The following PRKN variants were observed in gnomAD, a reference collection of about 807,000 sequenced individuals.
PRKN encodes the protein E3 ubiquitin-protein ligase parkin.
PRKN carries 56 observed loss-of-function variants against 59.5 expected under a neutral mutation model. That is an observed-to-expected ratio of 0.94 (90% CI 0.76 to 1.18). PRKN has a LOEUF of 1.18. Among genes scored for constraint, PRKN ranks in the 50% most tolerant of loss-of-function variants. The pLI is 0.00. For missense variants in PRKN, 657 were observed against 596.4 expected, an observed-to-expected ratio of 1.10 and a Z score of -1.06; for synonymous variants, 250 against 222.1, an observed-to-expected ratio of 1.13 and a Z score of -1.12.
At chr6:161,926,311 T>C (rs1335716985) in intron 6 of PRKN, among the ~76,000 whole-genome samples, 1 of 152,146 alleles carries the variant, frequency 6.6e-6, no homozygotes, top group Non-Finnish European at 1.5e-5. Context: ...CTATTATATA[T>C]TCCTGTAGCT....
chr6:162,417,709 T>A (rs1024158359), intron 2 of PRKN, among the ~76,000 whole-genome samples: 2 of 152,216 alleles, frequency 1.3e-5, no homozygotes, highest in African/African-American at 4.8e-5. Context: ...TCCCAGATAA[T>A]GTCCGTTAAC....
At chr6:161,861,314 C>G (rs887643079) in intron 6 of PRKN, among the ~76,000 whole-genome samples, 19 of 152,154 alleles carry the variant, frequency 1.2e-4, no homozygotes, top group Admixed American at 1.2e-3. Context: ...TCTCAGCAAA[C>G]TAACACAGGA....
At chr6:162,034,638 C>T (rs1783771729) in intron 5 of PRKN, among the ~76,000 whole-genome samples, 1 of 152,154 alleles carries the variant, frequency 6.6e-6, no homozygotes, top group Admixed American at 6.5e-5. Flanking sequence ...CACACTTTTC[C>T]AAGTAGCCTT....
rs554000711 is a variant in PRKN, at chr6:162,226,231, T to G, written c.413-24979A>C. On this transcript the variant is annotated intron_variant, in intron 3 of 11. Transcript: ENST00000366898. ...AAATAAGAATCAGGGCTATGCGCTT[T>G]GAGACAGACAGGCAGACAAGACAGA... 2.4e-4 allele frequency among the ~76,000 whole-genome samples: 37 copies of G among 152,076 alleles called. No individual in the cohort carries two copies. In the South Asian group the frequency reaches 7.7e-3, roughly 32 times the overall value.
In PRKN at chr6:161,581,460, AGAAGT is replaced by A. The variant is rs1289921944; in HGVS notation, c.872-12049_872-12045del. 6.6e-6 allele frequency among the ~76,000 whole-genome samples: 1 copy of A among 152,184 alleles called. No individual in the cohort carries two copies. The highest frequency in any genetic ancestry group is 2.4e-5 in the African/African-American group (1 of 41,448). On this transcript the variant is annotated intron_variant, in intron 7 of 11. Transcript: ENST00000366898. The surrounding 1 kb of genome is among the most constrained non-coding windows in gnomAD (Gnocchi z 4.5). Reference sequence around the variant, plus strand: ...TACATAAGCAAAAGGAGTTTTTTTGAGAAGTGTTGAGAGAGAAGAGGCCTGGAATC... The same window carrying A: ...TACATAAGCAAAAGGAGTTTTTTTGAGTTGAGAGAGAAGAGGCCTGGAATC...
chr6:162,727,703 C>T lies in PRKN; in HGVS notation c.-35G>A, dbSNP rs1436351796. ...GTAGGTGGCGGCTGCGGGCCAGGAA[C>T]AGGCCCATGCGCGCAGCGGCGCCAG... is the stretch of plus-strand genomic sequence containing the variant. On this transcript the variant is annotated 5_prime_UTR_variant, in exon 1 of 12. Coordinates refer to ENST00000366898, the MANE Select transcript of PRKN (RefSeq NM_004562.3). The T allele has an allele frequency of 1.9e-6, 3 of 1,562,234 alleles. No homozygotes were observed. The South Asian group carries it at 3.5e-5, about 18-fold the overall frequency.
In PRKN at chr6:161,861,197, G is replaced by A. The variant is rs140239214; in HGVS notation, c.735-75289C>T. Among the ~76,000 whole-genome samples the A allele has an allele frequency of 6.0e-4, 92 of 152,258 alleles. 1 individual carries two copies. The East Asian group carries it at 0.015, about 25-fold the overall frequency. On this transcript the variant is annotated intron_variant, in intron 6 of 11. Transcript: ENST00000366898. ...CCCAAATGCCCATCAATGATAGACT[G>A]GTTAAAGAAAATGTGGCACATATAC...
intron 1 of PRKN, among the ~76,000 whole-genome samples, chr6:162,672,692 G>C (rs976519875): frequency 0.01 from 276 of 27,148 alleles, 1 homozygote; most frequent in African/African-American, 0.017. Flanking sequence ...AAAAGTGTGT[G>C]TGTGTGTGTG....
At position 162,353,169 on chromosome 6, in the gene PRKN, T is replaced by C. The variant is rs75799149; in HGVS notation, c.171+90141A>G. On this transcript the variant is annotated intron_variant, in intron 2 of 11. Coordinates refer to ENST00000366898, the MANE Select transcript of PRKN (RefSeq NM_004562.3). ...CTCATCGTGTGGCAGGTTGATTTAG[T>C]CAGCTTCCCATATTTTCCAAGTTCT... Among the ~76,000 whole-genome samples the C allele has an allele frequency of 3.3e-5, 5 of 152,276 alleles. No homozygotes were observed. In the East Asian group the frequency reaches 9.6e-4, roughly 29 times the overall value.
chr6:162,560,577 C>T (rs1045655765), intron 1 of PRKN, among the ~76,000 whole-genome samples: 2 of 151,878 alleles, frequency 1.3e-5, no homozygotes, highest in African/African-American at 4.8e-5. Context: ...TTAATACATC[C>T]CATATAGTAA....
intron 6 of PRKN, among the ~76,000 whole-genome samples, chr6:161,837,360 C>T (rs768475384): frequency 5.3e-5 from 8 of 152,102 alleles, no homozygotes; most frequent in Non-Finnish European, 1.0e-4. Context: ...GGCTACTGTC[C>T]GCAAGCAGAG....
At chr6:162,579,795 G>A (rs534909632) in intron 1 of PRKN, among the ~76,000 whole-genome samples, 4 of 151,848 alleles carry the variant, frequency 2.6e-5, no homozygotes, top group African/African-American at 7.3e-5. Context: ...TTATACACAC[G>A]TTCACACACA....
chr6:162,386,285 C>T (rs1354210575), intron 2 of PRKN, among the ~76,000 whole-genome samples: 1 of 152,180 alleles, frequency 6.6e-6, no homozygotes, highest in Non-Finnish European at 1.5e-5. Context: ...CAGTGTCTGT[C>T]TACTTCAAAA....
chr6:161,898,113 A>G (rs9365344), intron 6 of PRKN, among the ~76,000 whole-genome samples: 59,690 of 151,848 alleles, frequency 0.39, 12,037 homozygotes, highest in East Asian at 0.57. Context: ...TTCCATAGTA[A>G]AGCAAAATCA....
chr6:161,501,533 T>C (rs1330964764), intron 9 of PRKN, among the ~76,000 whole-genome samples: 2 of 152,152 alleles, frequency 1.3e-5, no homozygotes, highest in African/African-American at 4.8e-5. Flanking sequence ...CTTTATCCGA[T>C]AGGTCTTTTG....
At chr6:162,350,466 T>C (rs1784577749) in intron 2 of PRKN, among the ~76,000 whole-genome samples, 1 of 152,186 alleles carries the variant, frequency 6.6e-6, no homozygotes, top group African/African-American at 2.4e-5. Context: ...GAGTACGTTA[T>C]TGGTACAGAT....
chr6:162,372,869 C>T (rs919343205), intron 2 of PRKN, among the ~76,000 whole-genome samples: 8 of 152,054 alleles, frequency 5.3e-5, no homozygotes, highest in African/African-American at 1.9e-4. Context: ...TCAAGAGAGG[C>T]AAGAAATTTC....
rs1786922863 is a variant in PRKN at position 161,399,415 on chromosome 6, C to G, written c.1084-12538G>C. 6.6e-6 allele frequency among the ~76,000 whole-genome samples: 1 copy of G among 152,224 alleles called. No individual in the cohort carries two copies. The highest frequency in any genetic ancestry group is 1.5e-5 in the Non-Finnish European group (1 of 68,044). On this transcript the variant is annotated intron_variant, in intron 9 of 11. Transcript: ENST00000366898. This position sits in a 1 kb window ranked among gnomAD's most constrained non-coding sequence, Gnocchi z 4.4. Reference sequence around the variant, plus strand: ...AAAATTAAAAGAGCGCACTGTAACACACAGCTAACTGGGCTTTGGGAGTCA... The same window carrying G: ...AAAATTAAAAGAGCGCACTGTAACAGACAGCTAACTGGGCTTTGGGAGTCA...
Position 161,654,242 on chromosome 6 carries a change from G to A in PRKN, c.872-84826C>T, listed in dbSNP as rs117819119. On this transcript the variant is annotated intron_variant, in intron 7 of 11. Transcript: ENST00000366898. ...AATCATTTTTTATAAACTTAATTAT[G>A]TTATTTTCCTTTTGCATTTGGATTG... Among the ~76,000 whole-genome samples, 810 of 152,228 alleles carry A rather than the reference G, an allele frequency of 5.3e-3. 19 individuals carry two copies. The East Asian group carries it at 0.063, about 12-fold the overall frequency.
Sources: gnomAD v4.1 joint callset for allele counts (sites outside exome capture counted in the v4.1 genomes callset) on GRCh38, gnomAD v4.1.1 for gene constraint, Gnocchi (gnomAD v3.1) non-coding constraint, MANE v1.5 for transcripts, NCBI Gene and HGNC (gene_info 2026-07-23, HGNC 2026-07-21) for gene names.